The following PTPRN2 variants were observed in gnomAD, a reference collection of about 807,000 sequenced individuals.
PTPRN2 encodes receptor-type tyrosine-protein phosphatase N2.
In PTPRN2, 74 loss-of-function variants were observed where a neutral mutation model predicts 118.8. That is an observed-to-expected ratio of 0.62 (90% CI 0.52 to 0.76). The LOEUF (loss-of-function observed/expected upper bound fraction) is 0.76, where lower values mean the gene tolerates loss of function less well. PTPRN2 is among the 30% of genes least tolerant of loss of function. The probability of loss-of-function intolerance (pLI) is 0.00; values close to 1 mark genes in which losing one functional copy is unlikely to be tolerated. For synonymous variants in PTPRN2, 641 were observed against 608.0 expected (o/e 1.05, Z -0.80); for missense variants, 1,481 against 1,394.4 (o/e 1.06, Z -0.99).
At chr7:158,575,123 A>G (rs1426851817) in intron 1 of PTPRN2, among the ~76,000 whole-genome samples, 1 of 152,228 alleles carries the variant, frequency 6.6e-6, no homozygotes, top group Non-Finnish European at 1.5e-5. Flanking sequence ...ACATGGTAGA[A>G]TCTTTCAAAA....
chr7:158,127,179 C>T (rs1196710635), intron 9 of PTPRN2, among the ~76,000 whole-genome samples: 2 of 152,220 alleles, frequency 1.3e-5, no homozygotes, highest in African/African-American at 4.8e-5. Flanking sequence ...ACTCAGGGCT[C>T]CAACCTCTCC....
chr7:158,415,815 C>G (rs1283337623), intron 2 of PTPRN2, among the ~76,000 whole-genome samples: 3 of 152,140 alleles, frequency 2.0e-5, no homozygotes, highest in Non-Finnish European at 1.5e-5. Flanking sequence ...GTGATTTAGC[C>G]TAGTTTTAGT....
intron 11 of PTPRN2, among the ~76,000 whole-genome samples, chr7:158,070,774 G>GTGGTA (rs1811280222): frequency 1.5e-5 from 2 of 132,444 alleles, no homozygotes; most frequent in African/African-American, 3.2e-5. Flanking sequence ...GGTGCTCATG[G>GTGGTA]TGGAGGTGCC....
intron 12 of PTPRN2, among the ~76,000 whole-genome samples, chr7:157,717,820 T>C (rs1799005717): frequency 6.6e-6 from 1 of 152,264 alleles, no homozygotes; most frequent in Non-Finnish European, 1.5e-5. Context: ...CAAAGACTGA[T>C]GTTCATCATG....
intron 1 of PTPRN2, among the ~76,000 whole-genome samples, chr7:158,562,807 A>G (rs747934643): frequency 6.6e-6 from 1 of 152,212 alleles, no homozygotes; most frequent in Non-Finnish European, 1.5e-5. Flanking sequence ...TGACGCTCCC[A>G]GGGGCACATA....
At chr7:158,132,020 C>CTG (rs1563481447) in intron 9 of PTPRN2, among the ~76,000 whole-genome samples, 1 of 150,286 alleles carries the variant, frequency 6.7e-6, no homozygotes, top group African/African-American at 2.5e-5. Context: ...AGATACACAT[C>CTG]TATGACATAT....
At chr7:158,556,146 A>G (rs1028729544) in intron 1 of PTPRN2, among the ~76,000 whole-genome samples, 3 of 152,232 alleles carry the variant, frequency 2.0e-5, no homozygotes, top group Non-Finnish European at 4.4e-5. Context: ...ATAGATAATG[A>G]TAGAGGATAG....
At chr7:158,582,694 G>A (rs1259355859) in intron 1 of PTPRN2, among the ~76,000 whole-genome samples, 1 of 150,922 alleles carries the variant, frequency 6.6e-6, no homozygotes, top group Non-Finnish European at 1.5e-5. Context: ...CTATTCAGAA[G>A]GCTAAGATGG....
chr7:158,196,266 C>A (rs1402685923), intron 4 of PTPRN2, among the ~76,000 whole-genome samples: 1 of 152,194 alleles, frequency 6.6e-6, no homozygotes, highest in South Asian at 2.1e-4. Context: ...CTCTTTTATA[C>A]TCTGACCTGT....
At position 158,134,785 on chromosome 7, in the gene PTPRN2, T is replaced by TG. The variant is rs572599324; in HGVS notation, c.1174-727dup. On this transcript the variant is annotated intron_variant, in intron 8 of 22. Transcript: ENST00000389418. The stretch of plus-strand genomic sequence containing the variant: ...GCTGACTATGCACCGGGTACAGATT[T>TG]GCTTTGTGTGGGTTCTCATGTAATT... Among the ~76,000 whole-genome samples the TG allele has an allele frequency of 2.2e-3, 337 of 152,326 alleles. 5 individuals are homozygous for TG. The highest frequency in any genetic ancestry group is 2.1e-4 in the Non-Finnish European group (14 of 68,024).
At chr7:158,163,931 C>T (rs1018786027) in intron 6 of PTPRN2, among the ~76,000 whole-genome samples, 5 of 152,238 alleles carry the variant, frequency 3.3e-5, no homozygotes, top group African/African-American at 7.2e-5. Context: ...GCATGGGGTT[C>T]TCAATTCTCT....
rs10226000 is a variant in PTPRN2, at chr7:158,420,194, G to A, written c.163+69541C>T. On this transcript the variant is annotated intron_variant, in intron 2 of 22. Transcript: ENST00000389418. ...CAGGCAGGACACATTGTCTCACGGC[G>A]AGCTGGCCTTACCCTGAACTCAGAG... 4.5e-3 allele frequency among the ~76,000 whole-genome samples: 678 copies of A among 152,128 alleles called. 4 individuals are homozygous for A. Among genetic ancestry groups the A allele is most frequent in the African/African-American group, 0.016 (650 of 41,480 alleles).
chr7:158,068,859 A>G (rs983289545), intron 11 of PTPRN2, among the ~76,000 whole-genome samples: 2 of 152,248 alleles, frequency 1.3e-5, no homozygotes, highest in Non-Finnish European at 2.9e-5. Flanking sequence ...AACTGTAATA[A>G]GACAAGGTGT....
chr7:158,336,939 CACTCGTCACTCACACTCACA>C (rs1805686512), intron 2 of PTPRN2, among the ~76,000 whole-genome samples: 1 of 103,582 alleles, frequency 9.7e-6, no homozygotes, highest in Admixed American at 9.2e-5. Flanking sequence ...CTCACACCCA[CACTCGTCACTCACACTCACA>C]CTCTCACCAT....
intron 1 of PTPRN2, among the ~76,000 whole-genome samples, chr7:158,568,211 C>A (rs1827774503): frequency 6.6e-6 from 1 of 152,116 alleles, no homozygotes; most frequent in Non-Finnish European, 1.5e-5. Flanking sequence ...CAAGATCACA[C>A]CACTGCACTC....
At chr7:157,742,286 A>G (rs1800678796) in intron 12 of PTPRN2, among the ~76,000 whole-genome samples, 1 of 152,132 alleles carries the variant, frequency 6.6e-6, no homozygotes. Context: ...AGATGTTTTT[A>G]AACAGGTGAC....
chr7:158,122,708 C>A (rs1207396353), intron 9 of PTPRN2, among the ~76,000 whole-genome samples: 1 of 152,186 alleles, frequency 6.6e-6, no homozygotes, highest in Non-Finnish European at 1.5e-5. Context: ...GCTAGAGAAA[C>A]TAAAGTCATT....
chr7:157,708,679 T>C (rs552842314), intron 12 of PTPRN2, among the ~76,000 whole-genome samples: 1 of 152,218 alleles, frequency 6.6e-6, no homozygotes, highest in Admixed American at 6.5e-5. Flanking sequence ...CTCCCTGCTT[T>C]ATGCATTCTA....
intron 11 of PTPRN2, among the ~76,000 whole-genome samples, chr7:158,073,385 G>A (rs1381647616): frequency 2.0e-5 from 3 of 152,208 alleles, no homozygotes; most frequent in Non-Finnish European, 4.4e-5. Context: ...GGGAGGGTGT[G>A]GGCCCATGCG....
Sources: gnomAD v4.1 joint callset for allele counts (sites outside exome capture counted in the v4.1 genomes callset) on GRCh38, gnomAD v4.1.1 for gene constraint, MANE v1.5 for transcripts, NCBI Gene and HGNC (gene_info 2026-07-23, HGNC 2026-07-21) for gene names.